Variants in FAM13A observed in about 807,000 individuals in gnomAD.
FAM13A encodes the protein family with sequence similarity 13 member A, also known as protein FAM13A.
A neutral mutation model predicts 129.6 loss-of-function variants in FAM13A; 76 were observed. The ratio of observed to expected loss-of-function variants is 0.59; its 90% CI spans 0.49 to 0.71. FAM13A has a LOEUF of 0.71. FAM13A is among the 30% of genes least tolerant of loss of function. FAM13A has a pLI of 0.00. For synonymous variants in FAM13A, 443 were observed against 449.9 expected (o/e 0.98, Z 0.20); for missense variants, 1,108 against 1,249.3 (o/e 0.89, Z 1.70).
At chr4:88,880,373 C>G (rs1453286388) in intron 6 of FAM13A, among the ~76,000 whole-genome samples, 1 of 152,008 alleles carries the variant, frequency 6.6e-6, no homozygotes, top group Non-Finnish European at 1.5e-5. Flanking sequence ...GGAGCTGAGA[C>G]AAATTTAGAG....
chr4:88,884,430 G>A (rs937184401), intron 6 of FAM13A, among the ~76,000 whole-genome samples: 2 of 152,112 alleles, frequency 1.3e-5, no homozygotes, highest in African/African-American at 4.8e-5. Flanking sequence ...GGCACAAAAA[G>A]TATTTGACAA....
At chr4:88,821,316 C>CGT (rs1731855782) in intron 7 of FAM13A, among the ~76,000 whole-genome samples, 2 of 152,098 alleles carry the variant, frequency 1.3e-5, no homozygotes, top group Admixed American at 1.3e-4. Flanking sequence ...AGTGAATGCA[C>CGT]GTAACAGCGC....
chr4:88,860,092 G>C (rs545011511), intron 6 of FAM13A, among the ~76,000 whole-genome samples: 4 of 152,094 alleles, frequency 2.6e-5, no homozygotes, highest in African/African-American at 9.6e-5. Flanking sequence ...TTCCTTACAG[G>C]TTTCTTTATA....
At chr4:88,903,364 A>C (rs937653014) in intron 6 of FAM13A, among the ~76,000 whole-genome samples, 1 of 152,130 alleles carries the variant, frequency 6.6e-6, no homozygotes, top group Non-Finnish European at 1.5e-5. Flanking sequence ...TACAGTAACC[A>C]AACAGCATGG....
intron 11 of FAM13A, among the ~76,000 whole-genome samples, chr4:88,774,037 C>T (rs1171538852): frequency 2.0e-5 from 3 of 152,104 alleles, no homozygotes; most frequent in Non-Finnish European, 4.4e-5. Context: ...TACAATGCTC[C>T]TCTCAACTCT....
In FAM13A at chr4:88,773,257, G is replaced by T. The variant is rs1342801588; in HGVS notation, c.1459-5198C>A. ...GCCTTCTAAAAACTGTCTTCATCTT[G>T]TATTCTCTCCAACTGCTACCTCGTT... On this transcript the variant is annotated intron_variant, in intron 11 of 23. Transcript: ENST00000264344. 2.6e-5 allele frequency among the ~76,000 whole-genome samples: 4 copies of T among 152,226 alleles called. No homozygotes were observed. In the East Asian group the frequency reaches 7.7e-4, roughly 29 times the overall value.
chr4:88,797,163 A>G lies in FAM13A; in HGVS notation c.1050-6536T>C, dbSNP rs555124418. 2.0e-5 allele frequency among the ~76,000 whole-genome samples: 3 copies of G among 152,112 alleles called. No individual in the cohort carries two copies. The East Asian group carries it at 5.8e-4, about 29-fold the overall frequency. ...TTATCTCTCAATTAGCTGGGCACAC[A>G]CTATACTTGTATTTTACAAATATGT... On this transcript the variant is annotated intron_variant, in intron 8 of 23. Coordinates refer to ENST00000264344, the MANE Select transcript of FAM13A (RefSeq NM_014883.4).
intron 13 of FAM13A, among the ~76,000 whole-genome samples, chr4:88,766,816 C>T (rs978942517): frequency 5.9e-5 from 9 of 152,128 alleles, no homozygotes; most frequent in African/African-American, 2.2e-4. Context: ...TATCAAGAGT[C>T]AGAATTTAAG....
intron 5 of FAM13A, among the ~76,000 whole-genome samples, chr4:88,912,889 G>A (rs1749312188): frequency 1.3e-5 from 2 of 152,112 alleles, no homozygotes. Context: ...GCTGAGGCAG[G>A]AGGACCTATT....
At chr4:88,830,795 G>T (rs1394508827) in intron 7 of FAM13A, among the ~76,000 whole-genome samples, 1 of 152,114 alleles carries the variant, frequency 6.6e-6, no homozygotes, top group Non-Finnish European at 1.5e-5. Context: ...GGGTTTAAAG[G>T]CCTCCACAGC....
intron 6 of FAM13A, among the ~76,000 whole-genome samples, chr4:88,884,340 C>T (rs1744072333): frequency 6.6e-6 from 1 of 152,082 alleles, no homozygotes; most frequent in Non-Finnish European, 1.5e-5. Context: ...GCAGAGATGG[C>T]TTAACATATG....
chr4:89,015,723 G>A (rs958556124), intron 3 of FAM13A, among the ~76,000 whole-genome samples: 19 of 151,958 alleles, frequency 1.3e-4, no homozygotes, highest in African/African-American at 4.4e-4. Flanking sequence ...TATGTATAAA[G>A]TGCATTTTAG....
chr4:89,044,175 A>G (rs760688747), intron 1 of FAM13A, among the ~76,000 whole-genome samples: 11 of 152,114 alleles, frequency 7.2e-5, no homozygotes, highest in Non-Finnish European at 1.5e-4. Context: ...AAATATTTGC[A>G]ATTCATATAT....
At chr4:88,750,009 G>T in intron 15 of FAM13A, 100 bp from the exon 16 acceptor site, 1 of 1,283,258 alleles carries the variant, frequency 7.8e-7, no homozygotes, top group Non-Finnish European at 1.1e-6. Context: ...GCGGTGGTGG[G>T]GTGGGGGCAG....
chr4:88,796,714 T>G (rs1201479126), intron 8 of FAM13A, among the ~76,000 whole-genome samples: 2 of 70,892 alleles, frequency 2.8e-5, no homozygotes, highest in Non-Finnish European at 6.7e-5. Context: ...TCAACTAGGT[T>G]TTTTTTTTTT....
intron 5 of FAM13A, among the ~76,000 whole-genome samples, chr4:88,916,229 T>C (rs1374156349): frequency 1.3e-5 from 2 of 152,160 alleles, no homozygotes; most frequent in Non-Finnish European, 2.9e-5. Context: ...TTTCAGGTAT[T>C]CTGTTACAAG....
chr4:88,731,576 A>T, intron 22 of FAM13A, 148 bp from the exon 23 acceptor site: 1 of 531,234 alleles, frequency 1.9e-6, no homozygotes, highest in Non-Finnish European at 3.3e-6. Context: ...GCGGAAATGC[A>T]TGTTTTCCAT....
intron 5 of FAM13A, among the ~76,000 whole-genome samples, chr4:88,918,287 G>T (rs893696321): frequency 1.3e-5 from 2 of 152,188 alleles, no homozygotes; most frequent in African/African-American, 4.8e-5. Flanking sequence ...TTATATAGTA[G>T]TTAACTATGT....
chr4:88,840,756 T>C (rs1011465066), intron 7 of FAM13A, among the ~76,000 whole-genome samples: 6 of 152,148 alleles, frequency 3.9e-5, no homozygotes, highest in Non-Finnish European at 5.9e-5. Flanking sequence ...CTCATATCTC[T>C]ATTGAATTGA....
Sources: gnomAD v4.1 joint callset for allele counts (sites outside exome capture counted in the v4.1 genomes callset) on GRCh38, gnomAD v4.1.1 for gene constraint, MANE v1.5 for transcripts, NCBI Gene and HGNC (gene_info 2026-07-23, HGNC 2026-07-21) for gene names.